The following PHF6 variants were observed in gnomAD, a reference collection of about 807,000 sequenced individuals.
The protein encoded by PHF6 is PHD-like zinc finger protein.
A neutral mutation model predicts 34.0 loss-of-function variants in PHF6; 7 were observed. That is an observed-to-expected ratio of 0.21 (90% CI 0.12 to 0.39). PHF6 has a LOEUF of 0.39. Among genes scored for constraint, PHF6 ranks in the 10% least tolerant of loss-of-function variants. PHF6 has a pLI of 1.00. For synonymous variants in PHF6, 89 were observed against 88.4 expected (o/e 1.01, Z -0.04); for missense variants, 128 against 262.8 (o/e 0.49, Z 3.55).
Position 134,404,590 on chromosome X carries a change from T to C in PHF6, c.419-8901T>C, listed in dbSNP as rs1042060266. 5.3e-5 allele frequency among the ~76,000 whole-genome samples: 6 copies of C among 112,253 alleles called. No homozygotes were observed. The Middle Eastern group carries it at 0.014, about 260-fold the overall frequency. On this transcript the variant is annotated intron_variant, in intron 5 of 10. Transcript: ENST00000370803. ...ATTCATTCTAATTTTGAAAGAAGTT[T>C]TCCTGTGGGTAAAATGCTATCAAAC...
chrX:134,382,947 CAAGAT>C lies in PHF6; in HGVS notation c.240+4847_240+4851del, dbSNP rs750327307. 1.5e-4 allele frequency among the ~76,000 whole-genome samples: 17 copies of C among 110,595 alleles called. No homozygotes were observed. In the South Asian group the frequency reaches 5.8e-3, roughly 38 times the overall value. On this transcript the variant is annotated intron_variant, in intron 3 of 10. Transcript: ENST00000370803. The stretch of plus-strand genomic sequence containing the variant: ...TATGCAAGATTTCCTACAAGCCACT[CAAGAT>C]AAGATTTTTGGCCTAAGGATTGGCT...
intron 5 of PHF6, among the ~76,000 whole-genome samples, chrX:134,404,920 A>G (rs1052035710): frequency 1.8e-5 from 2 of 112,251 alleles, no homozygotes; most frequent in Admixed American, 1.9e-4. Context: ...TAGTGTAAAC[A>G]TAACTTTTAA....
chrX:134,398,917 C>T (rs919984444), intron 5 of PHF6, among the ~76,000 whole-genome samples: 2 of 111,342 alleles, frequency 1.8e-5, no homozygotes, highest in Non-Finnish European at 3.8e-5. Context: ...TAGAAATTTG[C>T]CAAGTGTGAG....
intron 3 of PHF6, 128 bp from the exon 4 acceptor site, chrX:134,393,373 G>A: frequency 1.5e-6 from 1 of 664,420 alleles, no homozygotes; most frequent in Non-Finnish European, 2.3e-6. Flanking sequence ...AACAAGAAAA[G>A]TAGCATTAAT....
chrX:134,378,124 C>CAAA lies in PHF6; in HGVS notation c.240+18_240+19insAAA, dbSNP rs755764548. On this transcript the variant is annotated intron_variant, in intron 3 of 10. Transcript: ENST00000370803. ...CGAAGCTGGTAAGTTGGTATTTCTGCCTCTTGAGAATAAAAATTATTTAAA... is the reference window on the plus strand; with the variant it reads ...CGAAGCTGGTAAGTTGGTATTTCTGCAAACTCTTGAGAATAAAAATTATTTAAA... 2.8e-6 allele frequency: 3 copies of CAAA among 1,057,467 alleles called. No individual in the cohort carries two copies. The highest frequency in any genetic ancestry group is 3.9e-6 in the Non-Finnish European group (3 of 762,097). The allele number at this position is 1,057,467 out of a possible 1,213,427, so 87.1% of individuals were successfully genotyped here. A position where few individuals can be genotyped will look rare whatever the true frequency, so the allele number is the denominator to read the frequency against.
At chrX:134,392,009 A>G (rs1264400927) in intron 3 of PHF6, among the ~76,000 whole-genome samples, 1 of 111,923 alleles carries the variant, frequency 8.9e-6, no homozygotes, top group East Asian at 2.8e-4. Flanking sequence ...TCTTGTATCA[A>G]TAATGGGCAC....
intron 1 of PHF6, among the ~76,000 whole-genome samples, chrX:134,376,673 A>G (rs971557927): frequency 2.7e-5 from 3 of 112,003 alleles, no homozygotes; most frequent in Non-Finnish European, 5.6e-5. Context: ...GAAGACCACT[A>G]TCAGTTTGTG....
At chrX:134,393,976 G>T in intron 5 of PHF6, 24 bp downstream of exon 5, 1 of 1,202,473 alleles carries the variant, frequency 8.3e-7, no homozygotes, top group Non-Finnish European at 1.1e-6. Context: ...CCACGTTTCA[G>T]CCACTTTTCA....
chrX:134,415,666 G>A (rs190234327), intron 8 of PHF6, among the ~76,000 whole-genome samples: 27 of 111,789 alleles, frequency 2.4e-4, no homozygotes, highest in Non-Finnish European at 3.4e-4. Context: ...ATGCTATGTC[G>A]GTTATTTCTA....
rs756425969 is a variant in PHF6, at chrX:134,387,989, G to A, written c.241-5512G>A. Among the ~76,000 whole-genome samples the A allele has an allele frequency of 3.3e-3, 364 of 111,409 alleles. 4 individuals are homozygous for A. The highest frequency in any genetic ancestry group is 0.011 in the African/African-American group (348 of 30,731). ...CTTATGAGACCTCCTTCAAAATGCT[G>A]TATTTTTAAAAAATAGTAACTAAAG... On this transcript the variant is annotated intron_variant, in intron 3 of 10. Transcript: ENST00000370803.
intron 3 of PHF6, among the ~76,000 whole-genome samples, chrX:134,388,838 C>A: frequency 8.9e-6 from 1 of 111,978 alleles, no homozygotes; most frequent in Non-Finnish European, 1.9e-5. Context: ...CAGGTATGCC[C>A]CAGCCTCTGG....
At chrX:134,399,068 A>G (rs2077390328) in intron 5 of PHF6, among the ~76,000 whole-genome samples, 1 of 111,238 alleles carries the variant, frequency 9.0e-6, no homozygotes, top group Non-Finnish European at 1.9e-5. Context: ...AAAGGGAGAG[A>G]AAAAGAATGG....
At position 134,427,248 on chromosome X, in the gene PHF6, GT is replaced by G; in HGVS notation, c.*1593del. ...CTTTTTGCTCTTAATATGCCATTGG[GT>G]TTTTGTGTGTATGTGATTTTCAAAA... is the stretch of plus-strand genomic sequence containing the variant. On this transcript the variant is annotated 3_prime_UTR_variant, in exon 11 of 11. Coordinates refer to ENST00000370803, the MANE Select transcript of PHF6 (RefSeq NM_001015877.2). 1 of 165,000 alleles carries G rather than the reference GT, an allele frequency of 6.1e-6. No individual in the cohort carries two copies. Among genetic ancestry groups the G allele is most frequent in the Non-Finnish European group, 1.2e-5 (1 of 84,883 alleles). 13.6% of individuals were successfully genotyped at this position (165,000 alleles called of 1,213,427 possible). A position where few individuals can be genotyped will look rare whatever the true frequency, so the allele number is the denominator to read the frequency against.
chrX:134,409,327 G>C (rs770858701), intron 5 of PHF6, among the ~76,000 whole-genome samples: 1 of 111,393 alleles, frequency 9.0e-6, no homozygotes, highest in Non-Finnish European at 1.9e-5. Context: ...TCATGTGCAC[G>C]TGGGTCTGTT....
rs1485937858 is a variant in PHF6 at position 134,393,420 on chromosome X, CAG to C, written c.241-79_241-78del. 4.8e-6 allele frequency: 5 copies of C among 1,045,449 alleles called. No homozygotes were observed. In the African/African-American group the frequency reaches 5.7e-5, roughly 12 times the overall value. The allele number at this position is 1,045,449 out of a possible 1,213,427, so 86.2% of individuals were successfully genotyped here. A position where few individuals can be genotyped will look rare whatever the true frequency, so the allele number is the denominator to read the frequency against. On this transcript the variant is annotated intron_variant, in intron 3 of 10. Transcript: ENST00000370803. ...TCAATAACCAATTTGTTTTCCTTGACAGAAATTGATATGCCTCTAATCTGATA... is the reference window on the plus strand; with the variant it reads ...TCAATAACCAATTTGTTTTCCTTGACAAATTGATATGCCTCTAATCTGATA...
chrX:134,407,577 A>C (rs1438664819), intron 5 of PHF6, among the ~76,000 whole-genome samples: 1 of 112,704 alleles, frequency 8.9e-6, no homozygotes, highest in Non-Finnish European at 1.9e-5. Context: ...GTGTGCTTAG[A>C]ATGCCATTTG....
intron 8 of PHF6, among the ~76,000 whole-genome samples, chrX:134,416,408 G>A (rs770016969): frequency 2.2e-4 from 25 of 111,669 alleles, no homozygotes; most frequent in Non-Finnish European, 4.1e-4. Context: ...GTTTACCTCT[G>A]TACCATTGAG....
At chrX:134,389,301 T>C (rs1043410120) in intron 3 of PHF6, among the ~76,000 whole-genome samples, 2 of 110,006 alleles carry the variant, frequency 1.8e-5, no homozygotes, top group African/African-American at 3.3e-5. Flanking sequence ...TTGCGGGGAG[T>C]TGGGGAGAGG....
intron 1 of PHF6, among the ~76,000 whole-genome samples, chrX:134,374,996 C>T (rs1423147065): frequency 9.0e-6 from 1 of 111,561 alleles, no homozygotes; most frequent in African/African-American, 3.3e-5. Context: ...AGTATTGGTC[C>T]TTGGAATGCC....
Sources: gnomAD v4.1 joint callset for allele counts (sites outside exome capture counted in the v4.1 genomes callset) on GRCh38, gnomAD v4.1.1 for gene constraint, MANE v1.5 for transcripts, NCBI Gene and HGNC (gene_info 2026-07-23, HGNC 2026-07-21) for gene names.